Variants in OSBPL6 observed in about 807,000 individuals in gnomAD.
OSBPL6 encodes the protein oxysterol-binding protein-related protein 6.
A neutral mutation model predicts 125.8 loss-of-function variants in OSBPL6; 49 were observed. That is an observed-to-expected ratio of 0.39 (90% CI 0.31 to 0.49). The LOEUF (loss-of-function observed/expected upper bound fraction) is 0.49, where lower values mean the gene tolerates loss of function less well. Among genes scored for constraint, OSBPL6 ranks in the 20% least tolerant of loss-of-function variants. The pLI is 0.88. For missense variants in OSBPL6, 986 were observed against 1,135.4 expected (o/e 0.87, Z 1.89); for synonymous variants, 394 against 391.8 (o/e 1.01, Z -0.07).
intron 12 of OSBPL6, among the ~76,000 whole-genome samples, chr2:178,351,112 C>T (rs1459047634): frequency 6.6e-6 from 1 of 151,866 alleles, no homozygotes; most frequent in African/African-American, 2.4e-5. Context: ...AATAAAGGTC[C>T]TTTATTAAAA....
At chr2:178,323,902 G>A (rs1046259545) in intron 3 of OSBPL6, 2 of 253,006 alleles carry the variant, frequency 7.9e-6, no homozygotes, top group African/African-American at 4.4e-5. Flanking sequence ...GTTTTCTTGT[G>A]TGTATCATAA....
At chr2:178,281,625 C>A (rs1443732060) in intron 1 of OSBPL6, among the ~76,000 whole-genome samples, 3 of 152,100 alleles carry the variant, frequency 2.0e-5, no homozygotes, top group Non-Finnish European at 2.9e-5. Context: ...GTCTATGTGT[C>A]TGTATTTGAT....
intron 1 of OSBPL6, among the ~76,000 whole-genome samples, chr2:178,200,009 T>A (rs1036864678): frequency 7.2e-5 from 11 of 152,202 alleles, no homozygotes; most frequent in Non-Finnish European, 1.2e-4. Context: ...TCTTCGAGAA[T>A]AATGCCTAAT....
chr2:178,208,762 T>A (rs2089682781), intron 1 of OSBPL6, among the ~76,000 whole-genome samples: 1 of 151,622 alleles, frequency 6.6e-6, no homozygotes, highest in Admixed American at 6.6e-5. Context: ...CTTTCCCTCC[T>A]TCTGTCCTTC....
rs530180238 is a variant in OSBPL6, at chr2:178,209,102, G to A, written c.-351+14428G>A. ...TCTCTTTATGTTCAATCTTTTGTCC[G>A]TCTTTGGTGTGCCGTTTCAGTCTGG... On this transcript the variant is annotated intron_variant, in intron 1 of 24. Transcript: ENST00000190611. 7.8e-4 allele frequency among the ~76,000 whole-genome samples: 118 copies of A among 152,144 alleles called. 1 individual carries two copies. Among genetic ancestry groups the A allele is most frequent in the Non-Finnish European group, 5.1e-4 (35 of 67,994 alleles).
At chr2:178,302,038 A>G (rs1369408497) in intron 2 of OSBPL6, among the ~76,000 whole-genome samples, 3 of 152,172 alleles carry the variant, frequency 2.0e-5, no homozygotes, top group Non-Finnish European at 2.9e-5. Context: ...GTGGTCCCCA[A>G]TCTTAAGTGT....
intron 1 of OSBPL6, among the ~76,000 whole-genome samples, chr2:178,262,553 A>C (rs866342182): frequency 6.6e-6 from 1 of 152,198 alleles, no homozygotes; most frequent in Non-Finnish European, 1.5e-5. Flanking sequence ...TTTAAGCTTA[A>C]TATTCATTTT....
chr2:178,238,924 C>T (rs757136578), intron 1 of OSBPL6, among the ~76,000 whole-genome samples: 94 of 152,316 alleles, frequency 6.2e-4, no homozygotes, highest in Middle Eastern at 3.4e-3. Flanking sequence ...CGCCTGTTAA[C>T]AGTCACCTCC....
intron 3 of OSBPL6, among the ~76,000 whole-genome samples, chr2:178,321,299 A>C (rs1041112316): frequency 6.6e-6 from 1 of 152,290 alleles, no homozygotes; most frequent in Non-Finnish European, 1.5e-5. Context: ...GATTACGGGT[A>C]GAGAAGATGG....
At chr2:178,225,855 T>C (rs991475769) in intron 1 of OSBPL6, among the ~76,000 whole-genome samples, 1 of 152,174 alleles carries the variant, frequency 6.6e-6, no homozygotes, top group South Asian at 2.1e-4. Flanking sequence ...ACTGGGTCCC[T>C]CCCACAACAC....
intron 3 of OSBPL6, among the ~76,000 whole-genome samples, chr2:178,306,882 A>G (rs1686811408): frequency 1.3e-5 from 2 of 152,150 alleles, no homozygotes; most frequent in South Asian, 2.1e-4. Context: ...TTGTTATGTC[A>G]TTACTGTTGA....
At chr2:178,318,674 C>A (rs558792321) in intron 3 of OSBPL6, among the ~76,000 whole-genome samples, 5 of 152,322 alleles carry the variant, frequency 3.3e-5, no homozygotes, top group African/African-American at 1.2e-4. Flanking sequence ...TCTCAACTCA[C>A]GTTGACAGCT....
At chr2:178,300,041 G>A (rs1340758885) in intron 2 of OSBPL6, among the ~76,000 whole-genome samples, 2 of 152,164 alleles carry the variant, frequency 1.3e-5, no homozygotes, top group Non-Finnish European at 2.9e-5. Flanking sequence ...CCAAACACTA[G>A]CTTCAAACAG....
At position 178,217,878 on chromosome 2, in the gene OSBPL6, G is replaced by A. The variant is rs182697602; in HGVS notation, c.-351+23204G>A. Among the ~76,000 whole-genome samples the A allele has an allele frequency of 4.7e-4, 72 of 152,312 alleles. No individual in the cohort carries two copies. In the East Asian group the frequency reaches 0.012, roughly 26 times the overall value. Reference sequence around the variant, plus strand: ...AGCTCAATTTTACAAGCTACCCATTGTTAGAAAGGAAAATAATTTGGGGCT... The same window carrying A: ...AGCTCAATTTTACAAGCTACCCATTATTAGAAAGGAAAATAATTTGGGGCT... On this transcript the variant is annotated intron_variant, in intron 1 of 24. Transcript: ENST00000190611.
At chr2:178,339,524 A>G (rs948834241) in intron 10 of OSBPL6, 148 bp from the exon 11 acceptor site, 3 of 452,182 alleles carry the variant, frequency 6.6e-6, no homozygotes, top group African/African-American at 2.0e-5. Flanking sequence ...AATGCCCACT[A>G]TTCGTCTAAT....
intron 13 of OSBPL6, among the ~76,000 whole-genome samples, chr2:178,367,650 A>T (rs910300150): frequency 2.0e-5 from 3 of 152,222 alleles, no homozygotes; most frequent in East Asian, 1.9e-4. Flanking sequence ...TTCTGGCTCA[A>T]ATCTTTAAGA....
At chr2:178,303,466 A>T (rs529110411) in intron 2 of OSBPL6, among the ~76,000 whole-genome samples, 16 of 152,210 alleles carry the variant, frequency 1.1e-4, no homozygotes, top group Non-Finnish European at 1.0e-4. Context: ...ATTCAGGGTG[A>T]CATAATCCAT....
intron 11 of OSBPL6, among the ~76,000 whole-genome samples, chr2:178,345,507 A>G (rs1559273062): frequency 6.6e-6 from 1 of 152,260 alleles, no homozygotes; most frequent in Non-Finnish European, 1.5e-5. Context: ...ACAGTTTTGT[A>G]AACATTTGAA....
rs374404044 is a variant in OSBPL6 at position 178,370,355 on chromosome 2, A to G, written c.1288-1771A>G. Among the ~76,000 whole-genome samples, 42 of 152,322 alleles carry G rather than the reference A, an allele frequency of 2.8e-4. 1 individual carries two copies. The South Asian group carries it at 8.5e-3, about 31-fold the overall frequency. Reference sequence around the variant, plus strand: ...CCTCCCACTTACATGACACCAAAGCATATCTGGTTCCAAATGTTTCAGTAA... The same window carrying G: ...CCTCCCACTTACATGACACCAAAGCGTATCTGGTTCCAAATGTTTCAGTAA... On this transcript the variant is annotated intron_variant, in intron 13 of 24. Coordinates refer to ENST00000190611, the MANE Select transcript of OSBPL6 (RefSeq NM_032523.4).
Sources: gnomAD v4.1 joint callset for allele counts (sites outside exome capture counted in the v4.1 genomes callset) on GRCh38, gnomAD v4.1.1 for gene constraint, MANE v1.5 for transcripts, NCBI Gene and HGNC (gene_info 2026-07-23, HGNC 2026-07-21) for gene names.